Variants in PALM2AKAP2 observed in about 807,000 individuals in gnomAD.
PALM2AKAP2 encodes PALM2 and AKAP2 fusion.
Under a neutral mutation model 71.5 loss-of-function variants are expected in PALM2AKAP2, and 37 were observed. The ratio of observed to expected loss-of-function variants is 0.52; its 90% confidence interval spans 0.40 to 0.68. PALM2AKAP2 has a LOEUF of 0.68. Among genes scored for constraint, PALM2AKAP2 ranks in the 30% least tolerant of loss-of-function variants. The pLI is 0.00. For synonymous variants in PALM2AKAP2, 468 were observed against 478.8 expected (o/e 0.98, Z 0.29); for missense variants, 1,224 against 1,191.8 (o/e 1.03, Z -0.40).
At chr9:109,910,047 C>T (rs923312128) in intron 3 of PALM2AKAP2, among the ~76,000 whole-genome samples, 1 of 152,120 alleles carries the variant, frequency 6.6e-6, no homozygotes, top group African/African-American at 2.4e-5. Context: ...TAGGAGAGAG[C>T]CTATACTAGG....
intron 1 of PALM2AKAP2, among the ~76,000 whole-genome samples, chr9:109,824,081 G>T (rs1259813705): frequency 6.6e-6 from 1 of 151,998 alleles, no homozygotes; most frequent in Non-Finnish European, 1.5e-5. Flanking sequence ...TAGAGACAGG[G>T]TCTCACTGTG....
intron 1 of PALM2AKAP2, among the ~76,000 whole-genome samples, chr9:110,078,321 C>G (rs1834369229): frequency 6.6e-6 from 1 of 152,168 alleles, no homozygotes; most frequent in East Asian, 1.9e-4. Flanking sequence ...GTGAAGAACA[C>G]TCCAGAACCT....
At chr9:109,776,890 C>T (rs185284376), upstream of PALM2AKAP2, among the ~76,000 whole-genome samples, 52 of 152,280 alleles carry the variant, frequency 3.4e-4, 1 homozygote, top group Admixed American at 1.0e-3. Context: ...AGTTAAAAAT[C>T]ACTTAGGAAG....
At chr9:109,936,613 C>T (rs763540056) in intron 6 of PALM2AKAP2, among the ~76,000 whole-genome samples, 29 of 152,288 alleles carry the variant, frequency 1.9e-4, no homozygotes, top group Non-Finnish European at 2.9e-4. Context: ...ACTGAGATGA[C>T]CCTGACCCCC....
At chr9:110,048,847 C>A in exon 1 of PALM2AKAP2, 5 of 1,512,016 alleles carry the variant, frequency 3.3e-6, no homozygotes, top group Non-Finnish European at 4.4e-6. Context: ...CGGGAGCGGG[C>A]GCCCAGAGGT....
intron 1 of PALM2AKAP2, among the ~76,000 whole-genome samples, chr9:109,729,261 T>C (rs1211958452): frequency 6.6e-6 from 1 of 152,222 alleles, no homozygotes; most frequent in Non-Finnish European, 1.5e-5. Flanking sequence ...GAGCCTCCAG[T>C]AGTCCCCTCC....
At chr9:110,039,812 G>A (rs1833480888) in intron 7 of PALM2AKAP2, among the ~76,000 whole-genome samples, 1 of 152,148 alleles carries the variant, frequency 6.6e-6, no homozygotes. Flanking sequence ...ACTCATCAAC[G>A]CCTGAGCCCT....
At chr9:109,945,794 A>G (rs1053866954) in intron 6 of PALM2AKAP2, 5 of 152,230 alleles carry the variant, frequency 3.3e-5, no homozygotes, top group Non-Finnish European at 5.9e-5. Flanking sequence ...GAAGGGACCT[A>G]TCCTTGCATA....
intron 1 of PALM2AKAP2, among the ~76,000 whole-genome samples, chr9:109,682,136 G>A (rs936760075): frequency 6.6e-6 from 1 of 152,170 alleles, no homozygotes; most frequent in Non-Finnish European, 1.5e-5. Flanking sequence ...CAATTAAGGA[G>A]CCACCATCCA....
At chr9:110,072,559 A>G (rs1052850271) in intron 1 of PALM2AKAP2, among the ~76,000 whole-genome samples, 5 of 152,214 alleles carry the variant, frequency 3.3e-5, no homozygotes, top group African/African-American at 7.2e-5. Flanking sequence ...TGTTGCAAGG[A>G]TGGCGGTAGA....
At chr9:109,897,692 C>T (rs1394550874) in intron 3 of PALM2AKAP2, among the ~76,000 whole-genome samples, 1 of 152,172 alleles carries the variant, frequency 6.6e-6, no homozygotes, top group Non-Finnish European at 1.5e-5. Flanking sequence ...AATTTTTTCA[C>T]CAGGCATTTA....
chr9:109,694,574 A>C lies in PALM2AKAP2; in HGVS notation c.5+53708A>C, dbSNP rs1358165225. On this transcript the variant is annotated intron_variant, in intron 1 of 6. Transcript: ENST00000374531. ...ATTAAGAGATAGAAAAGTTTAAATA[A>C]ATGCTTATTTCTTGGAAAGGAATAC... is the stretch of plus-strand genomic sequence containing the variant. 5.9e-5 allele frequency among the ~76,000 whole-genome samples: 9 copies of C among 152,202 alleles called. No individual in the cohort carries two copies. The East Asian group carries it at 1.7e-3, about 29-fold the overall frequency.
intron 1 of PALM2AKAP2, among the ~76,000 whole-genome samples, chr9:109,795,385 A>G (rs1157496699): frequency 6.6e-6 from 1 of 152,236 alleles, no homozygotes; most frequent in Non-Finnish European, 1.5e-5. Flanking sequence ...TTTAAATGTC[A>G]AAGTCTTTTT....
chr9:110,020,720 A>T (rs915569422), intron 7 of PALM2AKAP2, among the ~76,000 whole-genome samples: 1 of 151,864 alleles, frequency 6.6e-6, no homozygotes, highest in Non-Finnish European at 1.5e-5. Context: ...TTCTTCATAA[A>T]TTACCCAGTC....
exon 7 of PALM2AKAP2, chr9:110,015,970 T>C (rs748873634): frequency 1.2e-6 from 2 of 1,613,950 alleles, no homozygotes; most frequent in Non-Finnish European, 8.5e-7. Flanking sequence ...GGTGGGAGAA[T>C]GTGCTGCTAA....
At chr9:109,722,471 A>G (rs1828419602) in intron 1 of PALM2AKAP2, among the ~76,000 whole-genome samples, 1 of 152,226 alleles carries the variant, frequency 6.6e-6, no homozygotes, top group African/African-American at 2.4e-5. Context: ...AAATTGTTAC[A>G]GATAAATATA....
At chr9:110,114,628 C>T (rs1425670630) in intron 1 of PALM2AKAP2, among the ~76,000 whole-genome samples, 5 of 152,156 alleles carry the variant, frequency 3.3e-5, no homozygotes, top group Admixed American at 6.5e-5. Context: ...TGTGTACTTC[C>T]CACCGTATCA....
intron 1 of PALM2AKAP2, among the ~76,000 whole-genome samples, chr9:109,748,458 A>T (rs2118704612): frequency 6.6e-6 from 1 of 152,236 alleles, no homozygotes; most frequent in Middle Eastern, 3.4e-3. Flanking sequence ...GAGTGAGATA[A>T]CATGGGTCAG....
chr9:110,149,647 A>C (rs149735690), intron 2 of PALM2AKAP2, among the ~76,000 whole-genome samples: 41 of 152,326 alleles, frequency 2.7e-4, no homozygotes, highest in Non-Finnish European at 5.6e-4. Context: ...CCACAAATAT[A>C]GTAGCTTAAA....
Sources: gnomAD v4.1 joint callset for allele counts (sites outside exome capture counted in the v4.1 genomes callset) on GRCh38, gnomAD v4.1.1 for gene constraint, MANE v1.5 for transcripts, NCBI Gene and HGNC (gene_info 2026-07-23, HGNC 2026-07-21) for gene names.